The following TMCC2 variants were observed in gnomAD, a reference collection of about 807,000 sequenced individuals.
TMCC2 encodes the protein transmembrane and coiled-coil domains protein 2.
Under a neutral mutation model 49.4 loss-of-function variants are expected in TMCC2, and 16 were observed. The observed-to-expected ratio is 0.32, with a 90% confidence interval of 0.22 to 0.49. The LOEUF (loss-of-function observed/expected upper bound fraction) is 0.49. TMCC2 is among the 20% of genes least tolerant of loss of function. TMCC2 has a pLI of 0.99. For missense variants in TMCC2, 762 were observed against 989.8 expected (o/e 0.77, Z 3.09); for synonymous variants, 397 against 434.1 (o/e 0.91, Z 1.06).
At chr1:205,235,457 A>G (rs1453225668) in intron 1 of TMCC2, among the ~76,000 whole-genome samples, 3 of 152,166 alleles carry the variant, frequency 2.0e-5, no homozygotes, top group African/African-American at 7.2e-5. Flanking sequence ...AAGGAGTTGA[A>G]ATATCTGATA....
At chr1:205,261,424 A>T (rs1661110741) in intron 2 of TMCC2, among the ~76,000 whole-genome samples, 1 of 151,934 alleles carries the variant, frequency 6.6e-6, no homozygotes, top group African/African-American at 2.4e-5. Flanking sequence ...GCTGGTCTTA[A>T]ACTCCTGGAC....
At chr1:205,240,506 T>G (rs1313308691) in intron 1 of TMCC2, among the ~76,000 whole-genome samples, 1 of 152,250 alleles carries the variant, frequency 6.6e-6, no homozygotes, top group Non-Finnish European at 1.5e-5. Context: ...GTAAAGTTTA[T>G]TTCATTGCCA....
At chr1:205,243,014 C>G (rs1367220364) in intron 2 of TMCC2, among the ~76,000 whole-genome samples, 1 of 152,182 alleles carries the variant, frequency 6.6e-6, no homozygotes, top group Non-Finnish European at 1.5e-5. Flanking sequence ...CATGTTGATT[C>G]TGGGAGTAGT....
At chr1:205,235,944 G>C (rs4951179) in intron 1 of TMCC2, among the ~76,000 whole-genome samples, 72,476 of 151,520 alleles carry the variant, frequency 0.48, 19,999 homozygotes, top group Non-Finnish European at 0.61. Flanking sequence ...TGGTGTGCCC[G>C]TATAGTCCTA....
At chr1:205,257,896 G>A (rs1337975227) in intron 2 of TMCC2, among the ~76,000 whole-genome samples, 2 of 152,214 alleles carry the variant, frequency 1.3e-5, no homozygotes, top group Non-Finnish European at 2.9e-5. Context: ...ACTGGGATCT[G>A]TGGGTGTGAG....
chr1:205,236,689 G>A (rs1052558962), intron 1 of TMCC2: 1 of 152,224 alleles, frequency 6.6e-6, no homozygotes, highest in African/African-American at 2.4e-5. Flanking sequence ...GGCAGTACAC[G>A]ATTAATTGCA....
chr1:205,257,164 G>C, intron 2 of TMCC2: 6 of 1,232,742 alleles, frequency 4.9e-6, no homozygotes, highest in Non-Finnish European at 6.1e-6. Context: ...ATCTCCTAGA[G>C]CAATCCGCCC....
chr1:205,249,947 C>T (rs111543725), intron 2 of TMCC2, among the ~76,000 whole-genome samples: 2,715 of 152,322 alleles, frequency 0.018, 37 homozygotes, highest in Middle Eastern at 0.082. Context: ...TACCCAGAGG[C>T]CTTGGGGTCC....
At position 205,241,383 on chromosome 1, in the gene TMCC2, G is replaced by A; in HGVS notation, c.208-122G>A. 1 of 1,116,230 alleles carries A rather than the reference G, an allele frequency of 9.0e-7. No individual in the cohort carries two copies. The highest frequency in any genetic ancestry group is 1.3e-6 in the Non-Finnish European group (1 of 787,588). 69.1% of individuals were successfully genotyped at this position (1,116,230 alleles called of 1,614,324 possible). ...CGGGCCATCCACAGAGATCTTCCAGGTTCAGATGGCTGCATTAGCTATGCC... is the reference window on the plus strand; with the variant it reads ...CGGGCCATCCACAGAGATCTTCCAGATTCAGATGGCTGCATTAGCTATGCC... On this transcript the variant is annotated intron_variant, in intron 1 of 4. Coordinates refer to ENST00000358024, the MANE Select transcript of TMCC2 (RefSeq NM_014858.4). This position sits in a 1 kb window ranked among gnomAD's most constrained non-coding sequence, Gnocchi z 7.3.
At chr1:205,233,190 G>C (rs971546325) in intron 1 of TMCC2, among the ~76,000 whole-genome samples, 3 of 152,122 alleles carry the variant, frequency 2.0e-5, no homozygotes, top group Non-Finnish European at 4.4e-5. Context: ...TGGGGATGCT[G>C]GCCATGGGCT....
At position 205,271,109 on chromosome 1, in the gene TMCC2, C is replaced by G. The variant is rs1209981374; in HGVS notation, c.1683-11C>G. The G allele has an allele frequency of 6.2e-7, 1 of 1,612,006 alleles. No homozygotes were observed. Among genetic ancestry groups the G allele is most frequent in the Non-Finnish European group, 8.5e-7 (1 of 1,179,882 alleles). On this transcript the variant is annotated splice_polypyrimidine_tract_variant and intron_variant, in intron 3 of 4. Coordinates refer to ENST00000358024, the MANE Select transcript of TMCC2 (RefSeq NM_014858.4). ...AGCCAGGACTGGTGTCACTCTCTCT[C>G]CCTCCGCCAGGTACGAGCGGCTGGA...
In TMCC2 at chr1:205,271,397, G is replaced by T. The variant is rs1057226638; in HGVS notation, c.1818+142G>T. ...GGCCGATAGGCACATGGATGAAGAGGGCAGCGTAGCGGGAGCGGAGTGGAG... is the reference window on the plus strand; with the variant it reads ...GGCCGATAGGCACATGGATGAAGAGTGCAGCGTAGCGGGAGCGGAGTGGAG... On this transcript the variant is annotated intron_variant, in intron 4 of 4. Transcript: ENST00000358024. 5 of 1,390,390 alleles carry T rather than the reference G, an allele frequency of 3.6e-6. No individual in the cohort carries two copies. The African/African-American group carries it at 7.1e-5, about 20-fold the overall frequency. 86.1% of individuals were successfully genotyped at this position (1,390,390 alleles called of 1,614,324 possible). A position where few individuals can be genotyped will look rare whatever the true frequency, so the allele number is the denominator to read the frequency against.
intron 1 of TMCC2, among the ~76,000 whole-genome samples, chr1:205,231,287 T>C (rs1165213593): frequency 5.3e-5 from 8 of 152,024 alleles, no homozygotes; most frequent in Admixed American, 5.2e-4. Flanking sequence ...TATCGGAGTG[T>C]GTCCAAACTT....
chr1:205,271,767 C>T (rs1367955261), intron 4 of TMCC2, 46 bp from the exon 5 acceptor site: 18 of 1,581,678 alleles, frequency 1.1e-5, no homozygotes, highest in Non-Finnish European at 1.4e-5. Context: ...GCCTAGGGGT[C>T]CTGCCCATCC....
Position 205,269,849 on chromosome 1 carries a change from C to T in TMCC2, c.1647C>T (p.Thr549=). 6.2e-7 allele frequency: 1 copy of T among 1,613,914 alleles called. No homozygotes were observed. The highest frequency in any genetic ancestry group is 8.5e-7 in the Non-Finnish European group (1 of 1,179,946). The change falls in exon 3 of 5, where the codon ACC becomes ACT. Residue 549 remains threonine, a synonymous_variant. Transcript: ENST00000358024. ...DLKTQLQRDY[T]YMTQCLQEER... Reference sequence around the variant, plus strand: ...AGACTCAGCTGCAGAGGGACTACACCTACATGACCCAGTGCCTGCAGGAGG... The same window carrying T: ...AGACTCAGCTGCAGAGGGACTACACTTACATGACCCAGTGCCTGCAGGAGG...
In TMCC2 at chr1:205,269,773, G is replaced by C. The variant is rs772153607; in HGVS notation, c.1571G>C (p.Arg524Pro). 6.2e-7 allele frequency: 1 copy of C among 1,614,144 alleles called. No individual in the cohort carries two copies. The highest frequency in any genetic ancestry group is 1.3e-5 in the African/African-American group (1 of 75,040). Reference sequence around the variant, plus strand: ...CTGGATGCTCTGCTGGAAGAGCTACGGGAGATCAAGGAGGGACAGTCTCAC... The same window carrying C: ...CTGGATGCTCTGCTGGAAGAGCTACCGGAGATCAAGGAGGGACAGTCTCAC... Reference protein sequence around the residue: ...GNLDALLEELREIKEGQSHLE... With the variant: ...GNLDALLEELPEIKEGQSHLE... Residue 524 changes from arginine to proline, a missense_variant, in exon 3 of 5, where the codon CGG (arginine) becomes CCG (proline). Physicochemically the swap from Arg to Pro is moderately radical, Grantham distance 103. Transcript: ENST00000358024.
At chr1:205,246,369 A>T in intron 2 of TMCC2, 1 of 613,602 alleles carries the variant, frequency 1.6e-6, no homozygotes, top group Non-Finnish European at 2.3e-6. Context: ...AGTGGCTATT[A>T]AACATCCACG....
Position 205,254,487 on chromosome 1 carries a change from A to G in TMCC2, c.747+12443A>G, listed in dbSNP as rs540256543. Among the ~76,000 whole-genome samples the G allele has an allele frequency of 5.9e-5, 9 of 152,250 alleles. No individual in the cohort carries two copies. The South Asian group carries it at 1.9e-3, about 32-fold the overall frequency. ...CTTGGCAGATTTGGGAACACGTCTC[A>G]TGTATAAAGACGAGCAGGCTTAGAA... is the stretch of plus-strand genomic sequence containing the variant. On this transcript the variant is annotated intron_variant, in intron 2 of 4. Coordinates refer to ENST00000358024, the MANE Select transcript of TMCC2 (RefSeq NM_014858.4).
At position 205,269,882 on chromosome 1, in the gene TMCC2, C is replaced by T. The variant is rs1394098740; in HGVS notation, c.1680C>T (p.Tyr560=). The stretch of plus-strand genomic sequence containing the variant: ...CCCAGTGCCTGCAGGAGGAGCGCTA[C>T]AGGTAGGTGCCTGCCCACCCCCTCC... ...YMTQCLQEER[Y]RYERLEEQLN... Residue 560 remains tyrosine (Y), a splice_region_variant and synonymous_variant, in exon 3 of 5, where the codon TAC becomes TAT. Coordinates refer to ENST00000358024, the MANE Select transcript of TMCC2 (RefSeq NM_014858.4). 4 of 1,609,842 alleles carry T rather than the reference C, an allele frequency of 2.5e-6. No homozygotes were observed. Among genetic ancestry groups the T allele is most frequent in the Non-Finnish European group, 1.7e-6 (2 of 1,177,428 alleles).
Sources: gnomAD v4.1 joint callset for allele counts (sites outside exome capture counted in the v4.1 genomes callset) on GRCh38, gnomAD v4.1.1 for gene constraint, Gnocchi (gnomAD v3.1) non-coding constraint, MANE v1.5 for transcripts, NCBI Gene and HGNC (gene_info 2026-07-23, HGNC 2026-07-21) for gene names.